CDH12: variants seen among roughly 807,000 people sequenced by gnomAD.
CDH12 encodes the protein cadherin-12.
In CDH12, 41 loss-of-function variants were observed where a neutral mutation model predicts 74.1. The observed-to-expected ratio is 0.55, with a 90% CI of 0.43 to 0.72. The LOEUF is 0.72. Among genes scored for constraint, CDH12 ranks in the 30% least tolerant of loss-of-function variants. The probability of loss-of-function intolerance (pLI) is 0.00; values close to 1 mark genes in which losing one functional copy is unlikely to be tolerated. For missense variants in CDH12, 945 were observed against 977.2 expected (o/e 0.97, Z 0.44); for synonymous variants, 399 against 355.0 (o/e 1.12, Z -1.39).
At chr5:22,676,538 A>G (rs1741199088) in intron 1 of CDH12, among the ~76,000 whole-genome samples, 2 of 152,208 alleles carry the variant, frequency 1.3e-5, no homozygotes, top group Admixed American at 1.3e-4. Flanking sequence ...ATCTTATTGA[A>G]TGAGGATTCT....
At chr5:21,836,221 T>C (rs962562245) in intron 8 of CDH12, among the ~76,000 whole-genome samples, 10 of 151,780 alleles carry the variant, frequency 6.6e-5, no homozygotes, top group African/African-American at 2.4e-4. Flanking sequence ...ATTCTGCAAT[T>C]ATTGTGTAAA....
intron 3 of CDH12, among the ~76,000 whole-genome samples, chr5:22,308,096 G>A (rs533187338): frequency 2.0e-5 from 3 of 151,770 alleles, no homozygotes; most frequent in Middle Eastern, 3.4e-3. Context: ...TAGCCAGGAT[G>A]GTCTTGATCT....
At position 21,751,874 on chromosome 5, in the gene CDH12, A is replaced by G; in HGVS notation, c.2248T>C (p.Ser750Pro). 1 of 1,613,588 alleles carries G rather than the reference A, an allele frequency of 6.2e-7. No individual in the cohort carries two copies. The highest frequency in any genetic ancestry group is 8.5e-7 in the Non-Finnish European group (1 of 1,179,942). ...GTGAGAGAGTCTATAGAGCTGAGGG[A>G]CTCTGCCACGGACCCACTCCCTTCG... The part of the protein sequence containing the change: ...AYEGSGSVAE[S>P]LSSIDSLTTE... Residue 750 changes from serine (S) to proline (P), a missense_variant, in exon 15 of 15, where the codon TCC (serine) becomes CCC (proline). Around this residue, in one of 3 missense-constraint regions of CDH12, gnomAD observed 791 missense variants for 792.8 expected, o/e 1.00. Transcript: ENST00000382254.
chr5:21,864,561 C>A (rs1047633900), intron 6 of CDH12, among the ~76,000 whole-genome samples: 1 of 152,162 alleles, frequency 6.6e-6, no homozygotes, highest in African/African-American at 2.4e-5. Flanking sequence ...AAATGAATTT[C>A]TCTTCATGAT....
intron 1 of CDH12, among the ~76,000 whole-genome samples, chr5:22,761,677 C>G (rs1177825762): frequency 6.6e-6 from 1 of 152,116 alleles, no homozygotes; most frequent in Non-Finnish European, 1.5e-5. Flanking sequence ...TTCCCAAGTG[C>G]TTGCTCATCT....
At position 22,485,103 on chromosome 5, in the gene CDH12, T is replaced by G. The variant is rs73060160; in HGVS notation, c.-428+20167A>C. On this transcript the variant is annotated intron_variant, in intron 2 of 14. Transcript: ENST00000382254. ...CAATGAAAATACACCACATGAATGT[T>G]GTTCAGGTGTATAAAAACTTGTCCA... Among the ~76,000 whole-genome samples the G allele has an allele frequency of 2.2e-3, 340 of 152,330 alleles. 1 individual carries two copies. Among genetic ancestry groups the G allele is most frequent in the African/African-American group, 7.8e-3 (326 of 41,586 alleles).
chr5:21,870,068 C>T (rs574837364), intron 6 of CDH12, among the ~76,000 whole-genome samples: 2 of 152,096 alleles, frequency 1.3e-5, no homozygotes, highest in African/African-American at 2.4e-5. Flanking sequence ...TCTGCTTTTG[C>T]GTCTTCCTCA....
chr5:22,850,710 T>C (rs1301606757), intron 1 of CDH12, among the ~76,000 whole-genome samples: 7 of 152,130 alleles, frequency 4.6e-5, no homozygotes, highest in African/African-American at 1.7e-4. Context: ...ATGAGACATC[T>C]GTAATCACTC....
intron 9 of CDH12, among the ~76,000 whole-genome samples, chr5:21,803,041 G>A (rs1439888424): frequency 1.3e-5 from 2 of 152,062 alleles, no homozygotes; most frequent in Non-Finnish European, 2.9e-5. Flanking sequence ...CAACAGAACA[G>A]ATGTTCAGGG....
At chr5:22,633,518 A>T (rs956047553) in intron 1 of CDH12, among the ~76,000 whole-genome samples, 1 of 152,186 alleles carries the variant, frequency 6.6e-6, no homozygotes, top group Admixed American at 6.5e-5. Context: ...CATCTAGAGG[A>T]CACTAACATT....
intron 3 of CDH12, among the ~76,000 whole-genome samples, chr5:22,306,386 G>A (rs1185674091): frequency 6.6e-6 from 1 of 152,042 alleles, no homozygotes; most frequent in Non-Finnish European, 1.5e-5. Flanking sequence ...GGAAGGGAGA[G>A]AGAGAGAGAG....
At chr5:22,449,146 T>C (rs2126558559) in intron 2 of CDH12, among the ~76,000 whole-genome samples, 1 of 152,158 alleles carries the variant, frequency 6.6e-6, no homozygotes, top group South Asian at 2.1e-4. Context: ...CTTTTACTGG[T>C]ACTGCGTATT....
intron 1 of CDH12, among the ~76,000 whole-genome samples, chr5:22,623,966 G>C (rs1738129433): frequency 6.6e-6 from 1 of 152,112 alleles, no homozygotes; most frequent in South Asian, 2.1e-4. Flanking sequence ...CCAAAACAGA[G>C]ATGTAGACCA....
intron 1 of CDH12, among the ~76,000 whole-genome samples, chr5:22,630,680 A>G (rs1738538370): frequency 6.6e-6 from 1 of 152,128 alleles, no homozygotes; most frequent in African/African-American, 2.4e-5. Context: ...TAACTATCAA[A>G]ATCCTTGAAG....
At chr5:22,705,032 A>G (rs896759519) in intron 1 of CDH12, among the ~76,000 whole-genome samples, 4 of 151,758 alleles carry the variant, frequency 2.6e-5, no homozygotes, top group African/African-American at 9.7e-5. Flanking sequence ...ATATATGCAT[A>G]TATATACACA....
chr5:22,067,373 T>A (rs1402875261), intron 5 of CDH12, among the ~76,000 whole-genome samples: 1 of 152,202 alleles, frequency 6.6e-6, no homozygotes. Flanking sequence ...TTGCATGTGG[T>A]CCCTCCTACA....
At chr5:22,526,481 T>C (rs1221376279) in intron 1 of CDH12, among the ~76,000 whole-genome samples, 1 of 152,178 alleles carries the variant, frequency 6.6e-6, no homozygotes, top group Admixed American at 6.5e-5. Context: ...GTGGTCCTTA[T>C]TGATGGGTGT....
chr5:21,768,186 T>C (rs557249123), intron 11 of CDH12, among the ~76,000 whole-genome samples: 11 of 151,914 alleles, frequency 7.2e-5, no homozygotes, highest in African/African-American at 2.4e-4. Flanking sequence ...AGTGAAACCA[T>C]TTAAATTCCA....
chr5:22,666,402 G>T (rs1040194784), intron 1 of CDH12, among the ~76,000 whole-genome samples: 6 of 148,056 alleles, frequency 4.1e-5, no homozygotes, highest in South Asian at 2.2e-4. Context: ...CCATTCTCCT[G>T]CCTCAGCCTC....
Sources: allele counts gnomAD v4.1 joint callset (sites outside exome capture counted in the v4.1 genomes callset), GRCh38; gene constraint gnomAD v4.1.1; regional missense constraint gnomAD v4.1.1; transcripts MANE v1.5; gene names NCBI Gene and HGNC (gene_info 2026-07-23, HGNC 2026-07-21).